TRAK1: variants seen among roughly 807,000 people sequenced by gnomAD.
TRAK1 encodes trafficking kinesin protein 1.
A neutral mutation model predicts 92.1 loss-of-function variants in TRAK1; 33 were observed. The ratio of observed to expected loss-of-function variants is 0.36; its 90% CI spans 0.27 to 0.48. TRAK1 has a LOEUF of 0.48. TRAK1 is among the 20% of genes least tolerant of loss of function. The pLI, the probability that TRAK1 is intolerant of heterozygous loss-of-function variation, is 0.99. For missense variants in TRAK1, 1,123 were observed against 1,257.9 expected (o/e 0.89, Z 1.62); for synonymous variants, 521 against 517.3 (o/e 1.01, Z -0.10).
chr3:42,058,483 G>T (rs553958551), intron 1 of TRAK1, among the ~76,000 whole-genome samples: 1 of 151,418 alleles, frequency 6.6e-6, no homozygotes, highest in African/African-American at 2.4e-5. Flanking sequence ...GATTACAGGC[G>T]CCCCCGCCAC....
chr3:42,101,052 A>G (rs900750649), intron 1 of TRAK1, among the ~76,000 whole-genome samples: 1 of 152,232 alleles, frequency 6.6e-6, no homozygotes, highest in Non-Finnish European at 1.5e-5. Flanking sequence ...AGTGGTTCCT[A>G]CAACATTTAT....
chr3:42,079,474 C>CTTTTTTTTTTTTT (rs374173062), intron 1 of TRAK1, among the ~76,000 whole-genome samples: 5 of 133,944 alleles, frequency 3.7e-5, no homozygotes, highest in African/African-American at 5.5e-5. Flanking sequence ...GAAGCTCCTT[C>CTTTTTTTTTTTTT]TTCTTTTTTT....
At position 42,222,980 on chromosome 3, in the gene TRAK1, G is replaced by C. The variant is rs866079933; in HGVS notation, c.2105G>C (p.Ser702Thr). ...SAPTPACGST[S>T]HLKSTPVATP... ...CCAACTCCAGCTTGTGGCAGCACCA[G>C]CCACTTGAAATCCACGCCGGTGGCC... The change falls in exon 16 of 16, where the codon AGC (serine) becomes ACC (threonine). Residue 702 changes from serine to threonine, a missense_variant. By Grantham distance (58) the Ser-to-Thr change is moderately conservative. Around this residue, in one of 3 missense-constraint regions of TRAK1, gnomAD observed 401 missense variants for 438.9 expected, o/e 0.91. Transcript: ENST00000327628. The C allele has an allele frequency of 6.2e-7, 1 of 1,614,020 alleles. No individual in the cohort carries two copies.
chr3:42,175,992 G>T (rs545872722), intron 2 of TRAK1, among the ~76,000 whole-genome samples: 18 of 152,292 alleles, frequency 1.2e-4, no homozygotes, highest in African/African-American at 4.1e-4. Context: ...CTTGGTGTTT[G>T]TTGAGCGGCG....
intron 1 of TRAK1, among the ~76,000 whole-genome samples, chr3:42,064,779 A>C (rs905714164): frequency 2.6e-5 from 4 of 152,118 alleles, no homozygotes; most frequent in African/African-American, 9.7e-5. Context: ...CATGCCAGGC[A>C]TGGTGGCTCA....
At chr3:42,182,299 CTT>C (rs57384116) in intron 3 of TRAK1, among the ~76,000 whole-genome samples, 84,060 of 144,308 alleles carry the variant, frequency 0.58, 24,569 homozygotes, top group East Asian at 0.94. Flanking sequence ...GCAACTCTCT[CTT>C]TTTTTTTTTT....
chr3:42,118,754 A>G (rs1467853169), intron 1 of TRAK1, among the ~76,000 whole-genome samples: 2 of 152,208 alleles, frequency 1.3e-5, no homozygotes, highest in Admixed American at 6.5e-5. Context: ...AAAACCTAGG[A>G]AGGGTTATAC....
rs931979276 is a variant in TRAK1, at chr3:42,197,447, G to GT, written c.1114-1722dup. Among the ~76,000 whole-genome samples the GT allele has an allele frequency of 3.3e-5, 5 of 151,772 alleles. No individual in the cohort carries two copies. In the East Asian group the frequency reaches 7.7e-4, roughly 23 times the overall value. Reference sequence around the variant, plus strand: ...GATTTTTAAATTTGTATTATTTTTTGTTTTTTTTCCCCCCAAATTTTCTAT... The same window carrying GT: ...GATTTTTAAATTTGTATTATTTTTTGTTTTTTTTTCCCCCCAAATTTTCTAT... On this transcript the variant is annotated intron_variant, in intron 10 of 15. Coordinates refer to ENST00000327628, the MANE Select transcript of TRAK1 (RefSeq NM_001042646.3).
intron 1 of TRAK1, among the ~76,000 whole-genome samples, chr3:42,028,559 T>C (rs1040574074): frequency 1.3e-5 from 2 of 152,062 alleles, no homozygotes; most frequent in Non-Finnish European, 2.9e-5. Context: ...AGGGAGGTTA[T>C]AGGTGAGCAG....
At chr3:42,106,858 G>C (rs1288994713) in intron 1 of TRAK1, among the ~76,000 whole-genome samples, 5 of 152,104 alleles carry the variant, frequency 3.3e-5, no homozygotes, top group Non-Finnish European at 5.9e-5. Flanking sequence ...AGTAACCATT[G>C]TTCATTTTTA....
chr3:42,203,683 A>C, intron 13 of TRAK1: 1 of 985,326 alleles, frequency 1.0e-6, no homozygotes, highest in Non-Finnish European at 1.2e-6. Context: ...CCAAATCAGA[A>C]CTTCTGTAAG....
intron 3 of TRAK1, among the ~76,000 whole-genome samples, chr3:42,181,768 A>C (rs1455446540): frequency 6.6e-6 from 1 of 152,122 alleles, no homozygotes; most frequent in East Asian, 1.9e-4. Context: ...AGAAGTGAAC[A>C]TTGGTATTGC....
Position 42,191,511 on chromosome 3 carries a change from C to A in TRAK1, c.691-47C>A, listed in dbSNP as rs1319177707. The A allele has an allele frequency of 5.2e-6, 8 of 1,545,268 alleles. No individual in the cohort carries two copies. The South Asian group carries it at 9.6e-5, about 18-fold the overall frequency. The stretch of plus-strand genomic sequence containing the variant: ...ATGCCTCAGCCCTTGCCTGCACCAC[C>A]AGGCCAGGTGAGAATGTGGGGCCTC... On this transcript the variant is annotated intron_variant, in intron 6 of 15. Transcript: ENST00000327628.
intron 2 of TRAK1, among the ~76,000 whole-genome samples, chr3:42,147,143 A>G (rs1699421536): frequency 6.6e-6 from 1 of 152,164 alleles, no homozygotes; most frequent in Non-Finnish European, 1.5e-5. Context: ...ACAATATTAA[A>G]GACTAGAGGG....
At chr3:42,191,757 T>A in intron 7 of TRAK1, 121 bp downstream of exon 7, 3 of 1,096,778 alleles carry the variant, frequency 2.7e-6, no homozygotes, top group Non-Finnish European at 3.9e-6. Flanking sequence ...GCATTTTTCT[T>A]AAAACTAGAG....
At chr3:42,111,588 G>T (rs796403460) in intron 1 of TRAK1, among the ~76,000 whole-genome samples, 36 of 152,120 alleles carry the variant, frequency 2.4e-4, no homozygotes, top group African/African-American at 8.4e-4. Context: ...GTGGAGACGG[G>T]GTTTCACTGT....
chr3:42,139,946 T>C (rs1698447665), intron 2 of TRAK1, among the ~76,000 whole-genome samples: 1 of 152,122 alleles, frequency 6.6e-6, no homozygotes, highest in South Asian at 2.1e-4. Flanking sequence ...CGTGACTTGC[T>C]GGACATAGGT....
At chr3:42,160,385 G>A (rs1438154336) in intron 2 of TRAK1, 7 of 1,614,206 alleles carry the variant, frequency 4.3e-6, no homozygotes, top group Non-Finnish European at 5.9e-6. Flanking sequence ...ACAAGGGCGG[G>A]GAAGAAGAAT....
At chr3:42,205,849 T>C (rs1268130915) in intron 13 of TRAK1, among the ~76,000 whole-genome samples, 1 of 152,210 alleles carries the variant, frequency 6.6e-6, no homozygotes, top group Non-Finnish European at 1.5e-5. Context: ...GCAATGACCA[T>C]AGTCATGTTT....
Sources: allele counts gnomAD v4.1 joint callset (sites outside exome capture counted in the v4.1 genomes callset), GRCh38; gene constraint gnomAD v4.1.1; regional missense constraint gnomAD v4.1.1; transcripts MANE v1.5; gene names NCBI Gene and HGNC (gene_info 2026-07-23, HGNC 2026-07-21).